CUBN: variants seen among roughly 807,000 people sequenced by gnomAD.
CUBN encodes 460 kDa receptor.
In CUBN, 282 loss-of-function variants were observed where a neutral mutation model predicts 405.3. That is an observed-to-expected ratio of 0.70 (90% CI 0.63 to 0.77). The LOEUF (loss-of-function observed/expected upper bound fraction) is 0.77, where lower values mean the gene tolerates loss of function less well. Among genes scored for constraint, CUBN ranks in the 30% least tolerant of loss-of-function variants. The probability of loss-of-function intolerance (pLI) is 0.00; values close to 1 mark genes in which losing one functional copy is unlikely to be tolerated. For synonymous variants in CUBN, 1,684 were observed against 1,617.0 expected (o/e 1.04, Z -0.99); for missense variants, 4,514 against 4,475.2 (o/e 1.01, Z -0.25).
Position 16,952,298 on chromosome 10 carries a change from C to T in CUBN, c.4947G>A (p.Trp1649Ter), listed in dbSNP as rs1842941307. Residue 1649 changes from tryptophan to a stop codon, truncating the protein, a stop_gained, in exon 33 of 67, where the codon TGG becomes TGA. Transcript: ENST00000377833. LOFTEE classifies it high-confidence loss of function. ...TACATGGAGGTTGCGCTTGAATGAT[C>T]CAGCTGCAGTTCTGATTGTTTGGAT... is the stretch of plus-strand genomic sequence containing the variant. ...ANYPNNQNCSWIIQAQPPLNH... is the reference protein window; with the variant it reads ...ANYPNNQNCS 1 of 1,613,176 alleles carries T rather than the reference C, an allele frequency of 6.2e-7. No individual in the cohort carries two copies. The highest frequency in any genetic ancestry group is 8.5e-7 in the Non-Finnish European group (1 of 1,179,410).
chr10:17,108,857 T>C (rs889677038), intron 10 of CUBN, among the ~76,000 whole-genome samples: 56 of 152,114 alleles, frequency 3.7e-4, no homozygotes, highest in African/African-American at 1.3e-3. Context: ...ATGTCCTTAG[T>C]ACATAAAGAA....
chr10:16,893,625 G>A (rs762686124), intron 54 of CUBN, among the ~76,000 whole-genome samples: 13 of 152,138 alleles, frequency 8.5e-5, no homozygotes, highest in Non-Finnish European at 1.5e-4. Flanking sequence ...AGCAGAGTAT[G>A]TAATCTTTGG....
chr10:16,878,546 G>C (rs1840580134), intron 56 of CUBN, among the ~76,000 whole-genome samples: 1 of 152,130 alleles, frequency 6.6e-6, no homozygotes, highest in Admixed American at 6.5e-5. Flanking sequence ...TCAGAAGTTA[G>C]ATACTGGCAC....
intron 31 of CUBN, among the ~76,000 whole-genome samples, chr10:16,981,205 A>ACACACACAC (rs1554804644): frequency 6.6e-6 from 1 of 152,068 alleles, no homozygotes; most frequent in South Asian, 2.1e-4. Context: ...ACACACACAG[A>ACACACACAC]AGAGAGAAGT....
rs189789572 is a variant in CUBN at position 17,125,299 on chromosome 10, A to C, written c.387+1462T>G. On this transcript the variant is annotated intron_variant, in intron 4 of 66. Coordinates refer to ENST00000377833, the MANE Select transcript of CUBN (RefSeq NM_001081.4). ...CTATATACAGTGACTCATAAAAAAA[A>C]ATTACGTCTGTTTCCTTCATTTTAT... Among the ~76,000 whole-genome samples, 126 of 152,312 alleles carry C rather than the reference A, an allele frequency of 8.3e-4. 1 individual carries two copies. The highest frequency in any genetic ancestry group is 2.2e-3 in the Admixed American group (34 of 15,302).
Position 16,890,423 on chromosome 10 carries a change from G to A in CUBN, c.8703C>T (p.Val2901=). The A allele has an allele frequency of 6.2e-7, 1 of 1,614,116 alleles. No individual in the cohort carries two copies. Residue 2901 remains valine, a synonymous_variant, in exon 55 of 67, where the codon GTC becomes GTT. Transcript: ENST00000377833. ...VITPSNTFTA[V]FQSQEAPAQG... is the part of the protein sequence containing the mutation. ...GAGCTGGTGCCTCCTGAGACTGGAA[G>A]ACGGCAGTGAATGTGTTACTTGGTG...
chr10:16,842,606 C>G (rs1839386804), intron 60 of CUBN, among the ~76,000 whole-genome samples: 3 of 152,224 alleles, frequency 2.0e-5, no homozygotes, highest in Admixed American at 6.5e-5. Flanking sequence ...CGTCCTTCAC[C>G]TGTTCCCACT....
At chr10:17,004,952 C>T (rs540035713) in intron 28 of CUBN, among the ~76,000 whole-genome samples, 1 of 152,268 alleles carries the variant, frequency 6.6e-6, no homozygotes, top group South Asian at 2.1e-4. Context: ...GCCACTGCAC[C>T]CAGCCCTAAA....
intron 43 of CUBN, among the ~76,000 whole-genome samples, chr10:16,922,111 A>G (rs532464756): frequency 1.1e-3 from 162 of 150,728 alleles, no homozygotes; most frequent in African/African-American, 3.7e-3. Flanking sequence ...TCTTAACACT[A>G]GAATTAGGTT....
chr10:17,077,241 T>A (rs1307247058), intron 17 of CUBN, among the ~76,000 whole-genome samples: 1 of 152,180 alleles, frequency 6.6e-6, no homozygotes, highest in Non-Finnish European at 1.5e-5. Flanking sequence ...TATGGTGTAT[T>A]CCAAATGGCT....
chr10:17,106,531 G>A (rs1836634634), intron 10 of CUBN, among the ~76,000 whole-genome samples: 1 of 150,754 alleles, frequency 6.6e-6, no homozygotes, highest in African/African-American at 2.4e-5. Flanking sequence ...CCAGGAGGTG[G>A]AGGTTGCAGT....
At chr10:16,962,826 T>C (rs1707290) in intron 31 of CUBN, among the ~76,000 whole-genome samples, 98,696 of 152,000 alleles carry the variant, frequency 0.65, 32,340 homozygotes, top group Non-Finnish European at 0.71. Flanking sequence ...CCAGGAAGCA[T>C]GCAGGTGAGT....
rs1374693621 is a variant in CUBN at position 16,824,601 on chromosome 10, A to G, written c.*374T>C. Reference sequence around the variant, plus strand: ...AGTGGTGTGATCTTAGCTCACTGCAACCTCTGCCTCCTGGGTTCAAGCAAT... The same window carrying G: ...AGTGGTGTGATCTTAGCTCACTGCAGCCTCTGCCTCCTGGGTTCAAGCAAT... On this transcript the variant is annotated 3_prime_UTR_variant, in exon 67 of 67. Transcript: ENST00000377833. 2 of 314,162 alleles carry G rather than the reference A, an allele frequency of 6.4e-6. No individual in the cohort carries two copies. Among genetic ancestry groups the G allele is most frequent in the African/African-American group, 4.4e-5 (2 of 45,940 alleles). The allele number at this position is 314,162 out of a possible 1,614,324, so 19.5% of individuals were successfully genotyped here.
At chr10:16,976,415 A>C (rs1200043216) in intron 31 of CUBN, among the ~76,000 whole-genome samples, 1 of 152,122 alleles carries the variant, frequency 6.6e-6, no homozygotes, top group African/African-American at 2.4e-5. Context: ...GTCAGCATTT[A>C]GTCTCTACTT....
intron 66 of CUBN, among the ~76,000 whole-genome samples, chr10:16,828,514 T>C (rs913754192): frequency 2.0e-5 from 3 of 152,110 alleles, no homozygotes. Flanking sequence ...GGTCAGGAGT[T>C]CGAGACCAGC....
intron 27 of CUBN, among the ~76,000 whole-genome samples, chr10:17,037,943 T>C (rs1237805036): frequency 9.4e-5 from 1 of 10,680 alleles, no homozygotes; most frequent in Non-Finnish European, 1.5e-3. Flanking sequence ...CACAGTCACC[T>C]TTTTTTTTTT....
chr10:16,870,696 C>A (rs1840324702), intron 58 of CUBN, among the ~76,000 whole-genome samples: 1 of 152,232 alleles, frequency 6.6e-6, no homozygotes, highest in African/African-American at 2.4e-5. Flanking sequence ...CCACGATGAG[C>A]AGAGCTTCCA....
intron 17 of CUBN, among the ~76,000 whole-genome samples, chr10:17,075,373 C>T (rs1008981228): frequency 2.0e-5 from 3 of 151,822 alleles, no homozygotes; most frequent in African/African-American, 7.3e-5. Flanking sequence ...TGTGAACCAC[C>T]GTGCCTAGCC....
At chr10:17,106,130 CA>C (rs1289797004) in intron 10 of CUBN, among the ~76,000 whole-genome samples, 2 of 151,628 alleles carry the variant, frequency 1.3e-5, no homozygotes, top group East Asian at 3.9e-4. Context: ...ACTAAAAATA[CA>C]AAAATTAGCC....
Sources: gnomAD v4.1 joint callset for allele counts (sites outside exome capture counted in the v4.1 genomes callset) on GRCh38, gnomAD v4.1.1 for gene constraint, MANE v1.5 for transcripts, NCBI Gene and HGNC (gene_info 2026-07-23, HGNC 2026-07-21) for gene names.